The following CNTNAP2 variants were observed in gnomAD, a reference collection of about 807,000 sequenced individuals.
CNTNAP2 encodes the protein contactin-associated protein-like 2.
CNTNAP2 carries 98 observed loss-of-function variants against 155.2 expected under a neutral mutation model. The ratio of observed to expected loss-of-function variants is 0.63; its 90% CI spans 0.54 to 0.75. CNTNAP2 has a LOEUF of 0.75. Ranked by LOEUF, CNTNAP2 falls within the 30% of genes least tolerant of loss-of-function variation. The probability of loss-of-function intolerance (pLI) is 0.00; values close to 1 mark genes in which losing one functional copy is unlikely to be tolerated. For missense variants in CNTNAP2, 1,727 were observed against 1,688.1 expected (o/e 1.02, Z -0.40); for synonymous variants, 651 against 631.2 (o/e 1.03, Z -0.47).
chr7:146,851,797 C>T (rs1794884374), intron 3 of CNTNAP2, among the ~76,000 whole-genome samples: 1 of 151,930 alleles, frequency 6.6e-6, no homozygotes, highest in Non-Finnish European at 1.5e-5. Flanking sequence ...TCCTCTGTCT[C>T]AGCCTTCTGA....
In CNTNAP2 at chr7:148,383,980, C is replaced by G. The variant is rs1384556114; in HGVS notation, c.3715+92C>G. On this transcript the variant is annotated intron_variant, in intron 22 of 23. Coordinates refer to ENST00000361727, the MANE Select transcript of CNTNAP2 (RefSeq NM_014141.6). The stretch of plus-strand genomic sequence containing the variant: ...GAATGGATTTAATAACAGAACCTCA[C>G]TGGTAATGTCATTGGAGGATTAAGA... 1.5e-5 allele frequency: 23 copies of G among 1,501,714 alleles called. No homozygotes were observed. In the Admixed American group the frequency reaches 4.3e-4, roughly 28 times the overall value. The allele number at this position is 1,501,714 out of a possible 1,614,324, so 93.0% of individuals were successfully genotyped here.
chr7:146,914,494 G>A (rs1171630146), intron 3 of CNTNAP2, among the ~76,000 whole-genome samples: 1 of 151,526 alleles, frequency 6.6e-6, no homozygotes, highest in East Asian at 1.9e-4. Flanking sequence ...GGCCATTCTT[G>A]CAGGACTAAG....
chr7:148,156,362 T>A (rs1805397795), intron 17 of CNTNAP2, among the ~76,000 whole-genome samples: 1 of 152,168 alleles, frequency 6.6e-6, no homozygotes, highest in Non-Finnish European at 1.5e-5. Flanking sequence ...GCAGCATGTC[T>A]CCTGCGCTCT....
intron 16 of CNTNAP2, among the ~76,000 whole-genome samples, chr7:148,138,893 T>C (rs1266877050): frequency 6.6e-6 from 1 of 152,200 alleles, no homozygotes; most frequent in Non-Finnish European, 1.5e-5. Context: ...TATAGGCCTA[T>C]TAATATTCAA....
chr7:146,780,948 G>A (rs891631945), intron 2 of CNTNAP2, among the ~76,000 whole-genome samples: 1 of 152,048 alleles, frequency 6.6e-6, no homozygotes, highest in African/African-American at 2.4e-5. Context: ...AGATGACAGG[G>A]CCGGGCGCGG....
chr7:147,870,886 A>G (rs1401972442), intron 13 of CNTNAP2, among the ~76,000 whole-genome samples: 1 of 152,100 alleles, frequency 6.6e-6, no homozygotes, highest in East Asian at 1.9e-4. Flanking sequence ...GTCTGAGGAT[A>G]GGGGGATCCT....
intron 1 of CNTNAP2, among the ~76,000 whole-genome samples, chr7:146,694,907 T>A (rs188065426): frequency 1.7e-3 from 257 of 152,310 alleles, no homozygotes; most frequent in African/African-American, 5.8e-3. Context: ...ATTGCTGGTA[T>A]ATAGGAAAAC....
At chr7:146,964,962 A>AC (rs1563023360) in intron 3 of CNTNAP2, among the ~76,000 whole-genome samples, 1 of 152,156 alleles carries the variant, frequency 6.6e-6, no homozygotes, top group East Asian at 1.9e-4. Flanking sequence ...AATTTATAAA[A>AC]AAAACAAAAC....
intron 12 of CNTNAP2, among the ~76,000 whole-genome samples, chr7:147,571,251 C>T (rs56995516): frequency 1.4e-5 from 2 of 140,842 alleles, no homozygotes; most frequent in African/African-American, 5.3e-5. Flanking sequence ...GGTATATCTC[C>T]TAATGCTATC....
At chr7:146,463,922 C>T (rs1031456065) in intron 1 of CNTNAP2, among the ~76,000 whole-genome samples, 5 of 152,018 alleles carry the variant, frequency 3.3e-5, no homozygotes, top group Non-Finnish European at 7.4e-5. Flanking sequence ...GTGTGGATCA[C>T]TATTTTAGGT....
intron 1 of CNTNAP2, among the ~76,000 whole-genome samples, chr7:146,369,052 C>CAT (rs1371257311): frequency 0.011 from 739 of 66,356 alleles, 4 homozygotes; most frequent in Admixed American, 0.051. Flanking sequence ...TATATATATA[C>CAT]ATATATATAT....
intron 9 of CNTNAP2, among the ~76,000 whole-genome samples, chr7:147,344,206 A>ATT (rs1795809844): frequency 6.6e-6 from 1 of 152,146 alleles, no homozygotes; most frequent in Non-Finnish European, 1.5e-5. Context: ...TAGAATCATC[A>ATT]AGCAGTCATG....
intron 21 of CNTNAP2, among the ~76,000 whole-genome samples, chr7:148,272,643 A>T (rs968828319): frequency 7.0e-6 from 1 of 143,012 alleles, no homozygotes; most frequent in Non-Finnish European, 1.5e-5. Flanking sequence ...GCACTTAGAT[A>T]AAAAAAATAT....
chr7:148,317,078 A>C (rs548642016), intron 21 of CNTNAP2, among the ~76,000 whole-genome samples: 1 of 152,324 alleles, frequency 6.6e-6, no homozygotes, highest in African/African-American at 2.4e-5. Flanking sequence ...GATGCCAGCC[A>C]GGCACAGTGG....
intron 15 of CNTNAP2, among the ~76,000 whole-genome samples, chr7:148,082,384 T>A (rs1803626621): frequency 6.6e-6 from 1 of 152,188 alleles, no homozygotes; most frequent in Non-Finnish European, 1.5e-5. Context: ...AGTGAGGTTT[T>A]TCTCTTATGA....
chr7:147,250,174 G>A lies in CNTNAP2; in HGVS notation c.1349-49967G>A, dbSNP rs117809481. ...GTTAACATCAGCCAGCAGAGGCTGC[G>A]AACACCCATAAAAACAAATCCAGAT... On this transcript the variant is annotated intron_variant, in intron 8 of 23. Transcript: ENST00000361727. Among the ~76,000 whole-genome samples the A allele has an allele frequency of 3.5e-3, 534 of 152,202 alleles. 3 individuals are homozygous for A. The highest frequency in any genetic ancestry group is 6.1e-3 in the Non-Finnish European group (414 of 68,012).
rs78360157 is a variant in CNTNAP2, at chr7:148,403,968, G to A, written c.3716-5423G>A. 5.9e-3 allele frequency among the ~76,000 whole-genome samples: 899 copies of A among 152,258 alleles called. 7 individuals carry two copies. The highest frequency in any genetic ancestry group is 5.8e-3 in the Admixed American group (89 of 15,298). On this transcript the variant is annotated intron_variant, in intron 22 of 23. Transcript: ENST00000361727. ...TTTCTAACAATAACCAAAGTCCAGC[G>A]GACTAGGAGTCACTAATATATTTTC...
chr7:146,697,247 A>ATT (rs1366238778), intron 1 of CNTNAP2, among the ~76,000 whole-genome samples: 1 of 140,776 alleles, frequency 7.1e-6, no homozygotes, highest in Admixed American at 6.7e-5. Context: ...TTATTTATTT[A>ATT]TTTATTTTGA....
At chr7:147,324,130 C>T (rs1185095658) in intron 9 of CNTNAP2, among the ~76,000 whole-genome samples, 1 of 151,910 alleles carries the variant, frequency 6.6e-6, no homozygotes, top group Non-Finnish European at 1.5e-5. Flanking sequence ...AGGAAGCTGT[C>T]TAAGACATTG....
Sources: allele counts gnomAD v4.1 joint callset (sites outside exome capture counted in the v4.1 genomes callset), GRCh38; gene constraint gnomAD v4.1.1; transcripts MANE v1.5; gene names NCBI Gene and HGNC (gene_info 2026-07-23, HGNC 2026-07-21).